Variants in PTPRD observed in about 807,000 individuals in gnomAD.
The protein encoded by PTPRD is protein tyrosine phosphatase receptor type D, also known as receptor-type tyrosine-protein phosphatase delta.
Under a neutral mutation model 214.5 loss-of-function variants are expected in PTPRD, and 34 were observed. The observed-to-expected ratio is 0.16, with a 90% confidence interval of 0.12 to 0.21. PTPRD has a LOEUF of 0.21. PTPRD is among the 10% of genes least tolerant of loss of function. The probability of loss-of-function intolerance (pLI) is 1.00; values close to 1 mark genes in which losing one functional copy is unlikely to be tolerated. For missense variants in PTPRD, 2,545 were observed against 2,398.7 expected, an observed-to-expected ratio of 1.06 and a Z score of -1.27; for synonymous variants, 1,128 against 845.7, an observed-to-expected ratio of 1.33 and a Z score of -5.79.
chr9:9,524,647 G>A (rs937190727), intron 8 of PTPRD, among the ~76,000 whole-genome samples: 1 of 152,142 alleles, frequency 6.6e-6, no homozygotes, highest in East Asian at 1.9e-4. Context: ...TCAGATCTAT[G>A]AGAACAATTA....
At chr9:9,152,847 G>A (rs2099878021) in intron 10 of PTPRD, among the ~76,000 whole-genome samples, 1 of 152,178 alleles carries the variant, frequency 6.6e-6, no homozygotes. Context: ...TAAATTGCTT[G>A]ATTAGAATCT....
intron 12 of PTPRD, among the ~76,000 whole-genome samples, chr9:8,658,826 A>G (rs2096968279): frequency 6.6e-6 from 1 of 152,134 alleles, no homozygotes; most frequent in South Asian, 2.1e-4. Context: ...CTGGAATACT[A>G]CATTTCCTTG....
chr9:8,375,888 C>T (rs2083101074), intron 39 of PTPRD, 48 bp downstream of exon 39: 1 of 1,579,884 alleles, frequency 6.3e-7, no homozygotes, highest in Non-Finnish European at 8.6e-7. Flanking sequence ...CAATGAGAGT[C>T]AATTTAGCTT....
At chr9:8,981,476 T>G (rs1253507351) in intron 11 of PTPRD, among the ~76,000 whole-genome samples, 3 of 152,040 alleles carry the variant, frequency 2.0e-5, no homozygotes, top group African/African-American at 7.2e-5. Flanking sequence ...AGCCACTGGA[T>G]TTGGATTTTC....
chr9:9,186,519 G>A (rs2099931600), intron 9 of PTPRD, among the ~76,000 whole-genome samples: 1 of 152,146 alleles, frequency 6.6e-6, no homozygotes, highest in African/African-American at 2.4e-5. Flanking sequence ...GCTAAGGTGG[G>A]AAGATCGATT....
chr9:9,397,543 T>C (rs1158946341), intron 8 of PTPRD, 61 bp from the exon 9 acceptor site: 1 of 152,394 alleles, frequency 6.6e-6, no homozygotes, highest in Non-Finnish European at 1.5e-5. Flanking sequence ...ACCTTTCAAA[T>C]TGTCTTCAAA....
At chr9:10,033,064 T>A (rs1202187508) in intron 4 of PTPRD, among the ~76,000 whole-genome samples, 2 of 151,402 alleles carry the variant, frequency 1.3e-5, no homozygotes, top group Non-Finnish European at 3.0e-5. Flanking sequence ...ATGCGATAAA[T>A]ATTTTAAGGA....
At chr9:9,078,572 C>G (rs749383629) in intron 10 of PTPRD, among the ~76,000 whole-genome samples, 2 of 152,030 alleles carry the variant, frequency 1.3e-5, no homozygotes, top group Non-Finnish European at 2.9e-5. Context: ...TATTATAAAA[C>G]CTTTCAAACT....
chr9:9,944,128 C>T lies in PTPRD; in HGVS notation c.-471-5518G>A, dbSNP rs117294989. Reference sequence around the variant, plus strand: ...CACAAGACAGAAAACCTTCCAGTGACGTTGGCTGAAGCCTTTGTTGAGATT... The same window carrying T: ...CACAAGACAGAAAACCTTCCAGTGATGTTGGCTGAAGCCTTTGTTGAGATT... On this transcript the variant is annotated intron_variant, in intron 4 of 45. Transcript: ENST00000381196. Among the ~76,000 whole-genome samples, 95 of 152,260 alleles carry T rather than the reference C, an allele frequency of 6.2e-4. 2 individuals carry two copies. The East Asian group carries it at 0.011, about 18-fold the overall frequency.
At chr9:10,348,166 C>T (rs530944079) in intron 2 of PTPRD, among the ~76,000 whole-genome samples, 1 of 152,306 alleles carries the variant, frequency 6.6e-6, no homozygotes, top group Admixed American at 6.5e-5. Context: ...CATTAATCAA[C>T]TTCTCTTCCT....
At chr9:8,355,742 G>C (rs1248493468) in intron 39 of PTPRD, among the ~76,000 whole-genome samples, 3 of 152,152 alleles carry the variant, frequency 2.0e-5, no homozygotes, top group Non-Finnish European at 4.4e-5. Context: ...CATGCTGCTA[G>C]GGACTGTGAG....
chr9:8,365,679 C>T (rs2134093832), intron 39 of PTPRD, among the ~76,000 whole-genome samples: 1 of 152,252 alleles, frequency 6.6e-6, no homozygotes, highest in East Asian at 1.9e-4. Flanking sequence ...GAGTATGCTT[C>T]CCCATTCCTT....
intron 11 of PTPRD, among the ~76,000 whole-genome samples, chr9:8,935,030 G>A (rs574276950): frequency 1.3e-5 from 2 of 151,982 alleles, no homozygotes; most frequent in African/African-American, 4.8e-5. Context: ...CACACACAGA[G>A]AGATATATGT....
intron 12 of PTPRD, among the ~76,000 whole-genome samples, chr9:8,697,518 G>C (rs1453973727): frequency 6.8e-6 from 1 of 148,104 alleles, no homozygotes; most frequent in Non-Finnish European, 1.5e-5. Flanking sequence ...CACCTCCCAG[G>C]TTCAAGCAAT....
intron 2 of PTPRD, among the ~76,000 whole-genome samples, chr9:10,572,969 A>T (rs1002480320): frequency 6.6e-6 from 1 of 152,148 alleles, no homozygotes; most frequent in Non-Finnish European, 1.5e-5. Context: ...GGATGCATCC[A>T]TTCCAGATGA....
intron 8 of PTPRD, among the ~76,000 whole-genome samples, chr9:9,531,318 T>G (rs1214728009): frequency 6.6e-6 from 1 of 152,144 alleles, no homozygotes; most frequent in African/African-American, 2.4e-5. Flanking sequence ...AGAAATGACA[T>G]GGACAAGGAA....
At chr9:9,438,329 A>C (rs1007626004) in intron 8 of PTPRD, among the ~76,000 whole-genome samples, 2 of 152,186 alleles carry the variant, frequency 1.3e-5, no homozygotes, top group East Asian at 3.8e-4. Context: ...TCCAAGAATC[A>C]TGTTAGGGAT....
At chr9:8,927,659 A>G (rs1023043969) in intron 11 of PTPRD, among the ~76,000 whole-genome samples, 1 of 152,206 alleles carries the variant, frequency 6.6e-6, no homozygotes, top group African/African-American at 2.4e-5. Context: ...ACAGTGCTGC[A>G]ATAAACATAT....
intron 10 of PTPRD, among the ~76,000 whole-genome samples, chr9:9,176,262 G>C (rs140557843): frequency 1.3e-5 from 2 of 152,068 alleles, no homozygotes; most frequent in East Asian, 1.9e-4. Context: ...TATTTATTTG[G>C]TCATTTATTT....
Sources: allele counts gnomAD v4.1 joint callset (sites outside exome capture counted in the v4.1 genomes callset), GRCh38; gene constraint gnomAD v4.1.1; transcripts MANE v1.5; gene names NCBI Gene and HGNC (gene_info 2026-07-23, HGNC 2026-07-21).